AK8: variants seen among roughly 807,000 people sequenced by gnomAD.
The protein encoded by AK8 is ATP-AMP transphosphorylase 8.
In AK8, 44 loss-of-function variants were observed where a neutral mutation model predicts 54.6. The ratio of observed to expected loss-of-function variants is 0.81; its 90% CI spans 0.63 to 1.04. The LOEUF (loss-of-function observed/expected upper bound fraction) is 1.04, where lower values mean the gene tolerates loss of function less well. Among genes scored for constraint, AK8 ranks in the 50% least tolerant of loss-of-function variants. The pLI, the probability that AK8 is intolerant of heterozygous loss-of-function variation, is 0.00. For missense variants in AK8, 555 were observed against 613.6 expected (o/e 0.90, Z 1.01); for synonymous variants, 239 against 245.6 (o/e 0.97, Z 0.25).
At chr9:132,819,693 C>T (rs1841492238) in intron 9 of AK8, among the ~76,000 whole-genome samples, 1 of 152,080 alleles carries the variant, frequency 6.6e-6, no homozygotes, top group Admixed American at 6.6e-5. Flanking sequence ...TTATAGAACA[C>T]TATAACCAAC....
At chr9:132,823,103 T>TC (rs887062070) in intron 9 of AK8, 102 bp downstream of exon 9, 45 of 1,441,890 alleles carry the variant, frequency 3.1e-5, no homozygotes, top group Admixed American at 5.1e-5. Context: ...TACTGACCCT[T>TC]CCCCCCCAAC....
chr9:132,844,346 A>G (rs940281692), intron 5 of AK8, among the ~76,000 whole-genome samples: 5 of 151,494 alleles, frequency 3.3e-5, no homozygotes, highest in Admixed American at 2.0e-4. Flanking sequence ...ACCCCCCTGC[A>G]TTAACTACAG....
At chr9:132,831,662 T>C (rs1236263372) in intron 5 of AK8, among the ~76,000 whole-genome samples, 1 of 151,292 alleles carries the variant, frequency 6.6e-6, no homozygotes, top group Non-Finnish European at 1.5e-5. Flanking sequence ...GATGACGGAC[T>C]GACATGGACG....
chr9:132,827,127 G>A (rs1841906751), intron 7 of AK8, 73 bp from the exon 8 acceptor site: 1 of 1,509,032 alleles, frequency 6.6e-7, no homozygotes, highest in South Asian at 1.1e-5. Context: ...CCTGGCTGGG[G>A]TGCTTGCTGT....
intron 11 of AK8, among the ~76,000 whole-genome samples, chr9:132,755,934 A>G (rs529832746): frequency 7.9e-5 from 12 of 151,996 alleles, no homozygotes; most frequent in Admixed American, 2.0e-4. Context: ...TGCCTGGCTA[A>G]TTTTGTATTT....
At chr9:132,856,927 A>G (rs1843194108) in intron 4 of AK8, among the ~76,000 whole-genome samples, 1 of 152,108 alleles carries the variant, frequency 6.6e-6, no homozygotes, top group African/African-American at 2.4e-5. Flanking sequence ...CTGGATGAAT[A>G]TGTTCACTTT....
intron 11 of AK8, among the ~76,000 whole-genome samples, chr9:132,731,176 G>A (rs1836825514): frequency 1.3e-5 from 2 of 152,202 alleles, no homozygotes; most frequent in Admixed American, 1.3e-4. Context: ...AATCCTAAAT[G>A]TGGAAATCCT....
intron 11 of AK8, among the ~76,000 whole-genome samples, chr9:132,733,430 C>T (rs1836953648): frequency 6.6e-6 from 1 of 152,224 alleles, no homozygotes; most frequent in African/African-American, 2.4e-5. Context: ...TTGGAAATCC[C>T]TGATAATTGA....
intron 5 of AK8, among the ~76,000 whole-genome samples, chr9:132,829,939 A>G (rs1588182559): frequency 6.6e-6 from 1 of 152,298 alleles, no homozygotes; most frequent in East Asian, 1.9e-4. Flanking sequence ...TGAAATAATA[A>G]TAAGAGTCAC....
intron 5 of AK8, among the ~76,000 whole-genome samples, chr9:132,851,783 A>G (rs1200989974): frequency 6.6e-6 from 1 of 152,258 alleles, no homozygotes; most frequent in Non-Finnish European, 1.5e-5. Context: ...CAACTGAATC[A>G]GTCATCTGCT....
chr9:132,825,389 T>A (rs1841830228), intron 8 of AK8, among the ~76,000 whole-genome samples: 1 of 152,200 alleles, frequency 6.6e-6, no homozygotes, highest in Non-Finnish European at 1.5e-5. Context: ...TTATGAACGA[T>A]CATATGAACT....
chr9:132,763,445 C>A (rs1838577687), intron 11 of AK8, among the ~76,000 whole-genome samples: 1 of 152,192 alleles, frequency 6.6e-6, no homozygotes, highest in Non-Finnish European at 1.5e-5. Flanking sequence ...TAAGTTTAGC[C>A]TAAGGCTGCC....
chr9:132,750,320 T>C (rs928093854), intron 11 of AK8, among the ~76,000 whole-genome samples: 2 of 151,954 alleles, frequency 1.3e-5, no homozygotes, highest in Admixed American at 6.6e-5. Context: ...GGTTTCACCA[T>C]GTTGGCCAGG....
chr9:132,830,612 G>A lies in AK8; in HGVS notation c.403-1886C>T, dbSNP rs913112053. 3.9e-5 allele frequency among the ~76,000 whole-genome samples: 6 copies of A among 151,966 alleles called. 1 individual carries two copies. Among genetic ancestry groups the A allele is most frequent in the East Asian group, 1.9e-4 (1 of 5,184 alleles). On this transcript the variant is annotated intron_variant, in intron 5 of 12. Transcript: ENST00000298545. Reference sequence around the variant, plus strand: ...ATCTATCTACTTTCCCCTTGGGGTCGCATCCTTTTATTTATTGACAACAGC... The same window carrying A: ...ATCTATCTACTTTCCCCTTGGGGTCACATCCTTTTATTTATTGACAACAGC...
chr9:132,732,980 C>T (rs1590166255), intron 11 of AK8, among the ~76,000 whole-genome samples: 1 of 152,136 alleles, frequency 6.6e-6, no homozygotes, highest in South Asian at 2.1e-4. Flanking sequence ...CGTGGCCTTG[C>T]TTCTCTCTCT....
At chr9:132,812,523 G>GCCACCGCGCCCA (rs1564415036) in intron 10 of AK8, among the ~76,000 whole-genome samples, 16 of 147,096 alleles carry the variant, frequency 1.1e-4, no homozygotes, top group African/African-American at 3.9e-4. Flanking sequence ...ACAGGGGTGA[G>GCCACCGCGCCCA]CTACCGTGCC....
At chr9:132,796,245 G>A (rs886095687) in intron 10 of AK8, among the ~76,000 whole-genome samples, 1 of 152,118 alleles carries the variant, frequency 6.6e-6, no homozygotes, top group East Asian at 1.9e-4. Flanking sequence ...CCCTCACATT[G>A]GCCACTTACG....
chr9:132,786,840 G>C (rs749676907), intron 11 of AK8, among the ~76,000 whole-genome samples: 3 of 151,846 alleles, frequency 2.0e-5, no homozygotes, highest in Non-Finnish European at 4.4e-5. Context: ...AAAGGAAAAG[G>C]AAAAAAGCCT....
chr9:132,761,548 C>T (rs576163056), intron 11 of AK8, among the ~76,000 whole-genome samples: 11 of 152,118 alleles, frequency 7.2e-5, no homozygotes, highest in African/African-American at 1.9e-4. Flanking sequence ...AAGCATGAGC[C>T]GCTGCACCTG....
Sources: allele counts gnomAD v4.1 joint callset (sites outside exome capture counted in the v4.1 genomes callset), GRCh38; gene constraint gnomAD v4.1.1; transcripts MANE v1.5; gene names NCBI Gene and HGNC (gene_info 2026-07-23, HGNC 2026-07-21).